FAM107B: variants seen among roughly 807,000 people sequenced by gnomAD.
The protein encoded by FAM107B is protein FAM107B.
Under a neutral mutation model 31.5 loss-of-function variants are expected in FAM107B, and 21 were observed. The observed-to-expected ratio is 0.67, with a 90% CI of 0.47 to 0.96. The LOEUF (loss-of-function observed/expected upper bound fraction) is 0.96, where lower values mean the gene tolerates loss of function less well. FAM107B is among the 40% of genes least tolerant of loss of function. FAM107B has a pLI of 0.00. For synonymous variants in FAM107B, 157 were observed against 141.5 expected (o/e 1.11, Z -0.78); for missense variants, 452 against 377.1 (o/e 1.20, Z -1.64).
chr10:14,552,657 C>A (rs1322106698), intron 2 of FAM107B, among the ~76,000 whole-genome samples: 1 of 151,966 alleles, frequency 6.6e-6, no homozygotes, highest in African/African-American at 2.4e-5. Flanking sequence ...GGCAACATAG[C>A]CAAACTCCAT....
intron 1 of FAM107B, among the ~76,000 whole-genome samples, chr10:14,767,768 G>A (rs1833213976): frequency 6.6e-6 from 1 of 152,140 alleles, no homozygotes; most frequent in Non-Finnish European, 1.5e-5. Context: ...AACAAAACAA[G>A]GATGCTTACT....
intron 2 of FAM107B, among the ~76,000 whole-genome samples, chr10:14,631,370 T>C (rs1853350497): frequency 6.6e-6 from 1 of 152,242 alleles, no homozygotes; most frequent in African/African-American, 2.4e-5. Flanking sequence ...TTTCCTGGGA[T>C]AATCTTGTCT....
chr10:14,686,114 T>C (rs7921497), intron 1 of FAM107B, among the ~76,000 whole-genome samples: 106,090 of 152,000 alleles, frequency 0.7, 37,263 homozygotes, highest in Middle Eastern at 0.8. Context: ...TGGGGCCGGG[T>C]TCAGTGACTT....
At chr10:14,658,409 G>C (rs1854130022) in intron 2 of FAM107B, among the ~76,000 whole-genome samples, 1 of 150,906 alleles carries the variant, frequency 6.6e-6, no homozygotes, top group South Asian at 2.1e-4. Context: ...ACCCATGTCT[G>C]ACCCATGTCT....
intron 1 of FAM107B, among the ~76,000 whole-genome samples, chr10:14,668,029 GTTTTTTT>G (rs555755346): frequency 6.6e-6 from 1 of 151,160 alleles, no homozygotes; most frequent in Admixed American, 6.6e-5. Context: ...TGGTGACGGG[GTTTTTTT>G]TGTTTTTTGT....
Position 14,572,486 on chromosome 10 carries a change from C to T in FAM107B, c.470-41971G>A, listed in dbSNP as rs186724851. 96 of 809,212 alleles carry T rather than the reference C, an allele frequency of 1.2e-4. No individual in the cohort carries two copies. The African/African-American group carries it at 1.7e-3, about 15-fold the overall frequency. 50.1% of individuals were successfully genotyped at this position (809,212 alleles called of 1,614,324 possible). ...AGGCCTGAGACCAATCAGAATGGCC[C>T]TCCTGAGGCTGGGATTCATGGCATC... On this transcript the variant is annotated intron_variant, in intron 2 of 4. Coordinates refer to ENST00000181796, the MANE Select transcript of FAM107B (RefSeq NM_031453.4).
intron 1 of FAM107B, among the ~76,000 whole-genome samples, chr10:14,752,286 C>T (rs867671937): frequency 5.9e-5 from 9 of 152,210 alleles, no homozygotes; most frequent in African/African-American, 2.2e-4. Context: ...CCCTCACTCA[C>T]CTCTTTGCAG....
chr10:14,521,431 C>G (rs529771889), intron 4 of FAM107B, 125 bp from the exon 5 acceptor site: 11 of 777,018 alleles, frequency 1.4e-5, no homozygotes, highest in Middle Eastern at 2.6e-4. Flanking sequence ...CCTGGTCCCC[C>G]ACTTTTAAAG....
chr10:14,579,730 A>AT (rs1241884881), intron 2 of FAM107B, among the ~76,000 whole-genome samples: 2 of 152,228 alleles, frequency 1.3e-5, no homozygotes, highest in African/African-American at 4.8e-5. Flanking sequence ...TCCAAAAAAG[A>AT]TTTGGAGTGT....
intron 1 of FAM107B, among the ~76,000 whole-genome samples, chr10:14,772,362 A>AAATATATATATAT (rs10651238): frequency 6.9e-6 from 1 of 145,590 alleles, no homozygotes; most frequent in African/African-American, 2.6e-5. Context: ...TTAAAAAAAA[A>AAATATATATATAT]ATATATATAT....
chr10:14,731,176 A>G (rs1348960174), intron 1 of FAM107B, among the ~76,000 whole-genome samples: 2 of 152,196 alleles, frequency 1.3e-5, no homozygotes, highest in East Asian at 3.8e-4. Flanking sequence ...CCTAGGTGTC[A>G]ATACTAAAAA....
At chr10:14,709,945 G>A (rs113904505) in intron 1 of FAM107B, among the ~76,000 whole-genome samples, 2 of 152,216 alleles carry the variant, frequency 1.3e-5, no homozygotes, top group African/African-American at 4.8e-5. Context: ...GAATAAAACA[G>A]AGCACAGGAG....
At chr10:14,642,083 T>C (rs985587704) in intron 2 of FAM107B, among the ~76,000 whole-genome samples, 2 of 152,202 alleles carry the variant, frequency 1.3e-5, no homozygotes, top group Non-Finnish European at 2.9e-5. Context: ...ATAAGATAAA[T>C]GTTCCCATTC....
chr10:14,540,556 CCCCCAGCTTTCTG>C (rs1161966378), intron 2 of FAM107B, among the ~76,000 whole-genome samples: 6 of 152,152 alleles, frequency 3.9e-5, no homozygotes, highest in African/African-American at 1.4e-4. Context: ...CCCCTGTTCT[CCCCCAGCTTTCTG>C]CCCACACTTC....
chr10:14,720,035 G>C (rs1855874580), intron 1 of FAM107B, among the ~76,000 whole-genome samples: 2 of 147,998 alleles, frequency 1.4e-5, no homozygotes, highest in Admixed American at 1.4e-4. Context: ...AAAGAGATCT[G>C]GGCCTGAGTT....
At chr10:14,663,624 C>A (rs1854314034) in intron 2 of FAM107B, 1 of 152,140 alleles carries the variant, frequency 6.6e-6, no homozygotes, top group Admixed American at 6.5e-5. Context: ...ATCCATGAAG[C>A]TAGTATATCC....
At chr10:14,585,084 A>T (rs141440613) in intron 2 of FAM107B, among the ~76,000 whole-genome samples, 2 of 152,296 alleles carry the variant, frequency 1.3e-5, no homozygotes, top group African/African-American at 2.4e-5. Flanking sequence ...CCAAAGGGAC[A>T]CCTCTAGAGG....
chr10:14,740,685 A>C (rs1217864201), intron 1 of FAM107B, among the ~76,000 whole-genome samples: 1 of 152,184 alleles, frequency 6.6e-6, no homozygotes, highest in East Asian at 1.9e-4. Flanking sequence ...AATAGGGAAA[A>C]CTGTGTGCAC....
At chr10:14,710,082 T>C (rs548974772) in intron 1 of FAM107B, among the ~76,000 whole-genome samples, 91 of 152,204 alleles carry the variant, frequency 6.0e-4, no homozygotes, top group Middle Eastern at 3.4e-3. Context: ...AAACCTTAGT[T>C]TCTAATAATG....
Sources: allele counts gnomAD v4.1 joint callset (sites outside exome capture counted in the v4.1 genomes callset), GRCh38; gene constraint gnomAD v4.1.1; transcripts MANE v1.5; gene names NCBI Gene and HGNC (gene_info 2026-07-23, HGNC 2026-07-21).